The following NDRG1 variants were observed in gnomAD, a reference collection of about 807,000 sequenced individuals.
NDRG1 encodes N-myc downstream regulated 1.
Under a neutral mutation model 56.9 loss-of-function variants are expected in NDRG1, and 32 were observed. The observed-to-expected ratio is 0.56, with a 90% CI of 0.42 to 0.76. NDRG1 has a LOEUF of 0.76. NDRG1 is among the 30% of genes least tolerant of loss of function. NDRG1 has a pLI of 0.00. For synonymous variants in NDRG1, 211 were observed against 204.1 expected, an observed-to-expected ratio of 1.03 and a Z score of -0.29; for missense variants, 507 against 545.7, an observed-to-expected ratio of 0.93 and a Z score of 0.71.
intron 8 of NDRG1, chr8:133,255,959 C>A (rs1856347343): frequency 6.5e-6 from 1 of 153,860 alleles, no homozygotes; most frequent in African/African-American, 2.4e-5. Flanking sequence ...CTTAGGACAC[C>A]AGCCAGGACA....
At chr8:133,284,049 G>A (rs1450845601) in intron 2 of NDRG1, among the ~76,000 whole-genome samples, 200 bp downstream of exon 2, 1 of 152,224 alleles carries the variant, frequency 6.6e-6, no homozygotes, top group African/African-American at 2.4e-5. Flanking sequence ...GTGGACAAAT[G>A]TGTTATGTGT....
In NDRG1 at chr8:133,256,864, C is replaced by G. The variant is rs759582626; in HGVS notation, c.451-1G>C. On this transcript the variant is annotated splice_acceptor_variant, in intron 7 of 15. Coordinates refer to ENST00000323851, the MANE Select transcript of NDRG1 (RefSeq NM_006096.4). LOFTEE classifies it high-confidence loss of function. Reference sequence around the variant, plus strand: ...CCTCCACCATCTCAGGGTTGTTTAGCTGCAATTCAAGACACAAAGTGAGAC... The same window carrying G: ...CCTCCACCATCTCAGGGTTGTTTAGGTGCAATTCAAGACACAAAGTGAGAC... 6.2e-7 allele frequency: 1 copy of G among 1,613,894 alleles called. No homozygotes were observed. Among genetic ancestry groups the G allele is most frequent in the Non-Finnish European group, 8.5e-7 (1 of 1,179,888 alleles).
At chr8:133,249,368 T>A in intron 10 of NDRG1, 2 of 161,682 alleles carry the variant, frequency 1.2e-5, no homozygotes, top group South Asian at 1.7e-4. Flanking sequence ...GAGAAGCTCT[T>A]TCCCAGCTCA....
At chr8:133,263,149 G>A (rs1391248836) in intron 4 of NDRG1, among the ~76,000 whole-genome samples, 1 of 152,206 alleles carries the variant, frequency 6.6e-6, no homozygotes, top group African/African-American at 2.4e-5. Context: ...TCAATAAAAT[G>A]AGATAGTGTA....
At chr8:133,272,757 C>T (rs1437206772) in intron 3 of NDRG1, among the ~76,000 whole-genome samples, 1 of 152,054 alleles carries the variant, frequency 6.6e-6, no homozygotes, top group African/African-American at 2.4e-5. Context: ...AGGGTTTGCT[C>T]TAAGTCCCAA....
At chr8:133,243,040 A>C (rs952841404) in intron 14 of NDRG1, among the ~76,000 whole-genome samples, 1 of 152,238 alleles carries the variant, frequency 6.6e-6, no homozygotes, top group Non-Finnish European at 1.5e-5. Flanking sequence ...CATACGTGCA[A>C]GGCGTATCTG....
intron 15 of NDRG1, chr8:133,239,392 G>A (rs1240828980): frequency 3.3e-6 from 2 of 599,560 alleles, no homozygotes; most frequent in Non-Finnish European, 3.0e-6. Flanking sequence ...CCTGTTAAAA[G>A]CTGTGTAATT....
intron 5 of NDRG1, among the ~76,000 whole-genome samples, chr8:133,260,426 C>T (rs1295912553): frequency 6.6e-6 from 1 of 152,202 alleles, no homozygotes; most frequent in African/African-American, 2.4e-5. Context: ...CAGTGGGTCC[C>T]ACCAGATGCA....
intron 3 of NDRG1, among the ~76,000 whole-genome samples, chr8:133,270,828 C>T (rs558129781): frequency 2.0e-4 from 31 of 152,204 alleles, no homozygotes; most frequent in Non-Finnish European, 3.8e-4. Context: ...ATAACCACCA[C>T]GTGCCCTTGG....
At chr8:133,243,087 T>G (rs944327095) in intron 14 of NDRG1, among the ~76,000 whole-genome samples, 11 of 152,234 alleles carry the variant, frequency 7.2e-5, no homozygotes, top group Non-Finnish European at 1.3e-4. Context: ...TCCAGTGCCC[T>G]GGGTCCTATT....
chr8:133,247,613 T>C (rs1328703633), intron 12 of NDRG1, among the ~76,000 whole-genome samples: 1 of 152,156 alleles, frequency 6.6e-6, no homozygotes, highest in Non-Finnish European at 1.5e-5. Flanking sequence ...AACATGCCCA[T>C]ATAAACAAGC....
At chr8:133,250,198 G>T (rs140613866) in intron 10 of NDRG1, among the ~76,000 whole-genome samples, 8 of 152,258 alleles carry the variant, frequency 5.3e-5, no homozygotes, top group African/African-American at 1.9e-4. Context: ...TCCCTCTCAC[G>T]TCTGCACCCC....
intron 1 of NDRG1, among the ~76,000 whole-genome samples, chr8:133,291,257 C>T (rs1858413451): frequency 6.6e-6 from 1 of 152,190 alleles, no homozygotes; most frequent in African/African-American, 2.4e-5. Flanking sequence ...CTTTATAGAA[C>T]AGATTTTTAA....
rs2233333 is a variant in NDRG1 at position 133,254,410 on chromosome 8, G to A, written c.594+129C>T. The stretch of plus-strand genomic sequence containing the variant: ...AATGAATAATGTCACATTATCTCAT[G>A]AGCACCAGCTCGGTGGCCCCCAGTT... On this transcript the variant is annotated intron_variant, in intron 9 of 15. Transcript: ENST00000323851. 77,767 of 805,654 alleles carry A rather than the reference G, an allele frequency of 0.097. 4,210 individuals carry two copies. Among genetic ancestry groups the A allele is most frequent in the Admixed American group, 0.17 (6,695 of 40,106 alleles). 49.9% of individuals were successfully genotyped at this position (805,654 alleles called of 1,614,324 possible).
Position 133,254,914 on chromosome 8 carries a change from C to T in NDRG1, c.538-319G>A. On this transcript the variant is annotated intron_variant, in intron 8 of 15. Coordinates refer to ENST00000323851, the MANE Select transcript of NDRG1 (RefSeq NM_006096.4). ...CTGCTCCAAACATTCACCAAGTCCTCAGCAAAGAGGGCCATCCATTCACCT... is the reference window on the plus strand; with the variant it reads ...CTGCTCCAAACATTCACCAAGTCCTTAGCAAAGAGGGCCATCCATTCACCT... The T allele has an allele frequency of 9.9e-6, 4 of 403,202 alleles. 1 individual carries two copies. The highest frequency in any genetic ancestry group is 9.9e-5 in the South Asian group (4 of 40,486). The allele number at this position is 403,202 out of a possible 1,614,324, so 25.0% of individuals were successfully genotyped here.
intron 1 of NDRG1, chr8:133,284,771 G>A (rs774892178): frequency 2.2e-6 from 1 of 458,180 alleles, no homozygotes; most frequent in South Asian, 1.5e-5. Flanking sequence ...TATAGGCATA[G>A]TGCAAGCTTC....
At position 133,238,473 on chromosome 8, in the gene NDRG1, A is replaced by C; in HGVS notation, c.*405T>G. On this transcript the variant is annotated 3_prime_UTR_variant, in exon 16 of 16. Coordinates refer to ENST00000323851, the MANE Select transcript of NDRG1 (RefSeq NM_006096.4). ...TCAGCTTCTCCTCAGTTAAAGAGGA[A>C]ACGGGAAGTGGGCGGCTGGCCTTCT... The C allele has an allele frequency of 7.3e-6, 2 of 274,500 alleles. No homozygotes were observed. Among genetic ancestry groups the C allele is most frequent in the Non-Finnish European group, 1.4e-5 (2 of 144,696 alleles). 17.0% of individuals were successfully genotyped at this position (274,500 alleles called of 1,614,324 possible).
chr8:133,255,968 C>T (rs1856347774), intron 8 of NDRG1: 1 of 153,884 alleles, frequency 6.5e-6, no homozygotes, highest in Non-Finnish European at 1.4e-5. Flanking sequence ...CCAGCCAGGA[C>T]AGAGCTTCCC....
intron 3 of NDRG1, among the ~76,000 whole-genome samples, chr8:133,268,713 C>T (rs1396772143): frequency 6.6e-6 from 1 of 152,156 alleles, no homozygotes; most frequent in African/African-American, 2.4e-5. Context: ...AGGATTCGAA[C>T]TCTCTCCGCT....
Sources: allele counts gnomAD v4.1 joint callset (sites outside exome capture counted in the v4.1 genomes callset), GRCh38; gene constraint gnomAD v4.1.1; transcripts MANE v1.5; gene names NCBI Gene and HGNC (gene_info 2026-07-23, HGNC 2026-07-21).